PAXBP1: variants seen among roughly 807,000 people sequenced by gnomAD.
The protein encoded by PAXBP1 is PAX3- and PAX7-binding protein 1.
PAXBP1 carries 44 observed loss-of-function variants against 119.9 expected under a neutral mutation model. The ratio of observed to expected loss-of-function variants is 0.37; its 90% CI spans 0.29 to 0.47. The LOEUF (loss-of-function observed/expected upper bound fraction) is 0.47. Among genes scored for constraint, PAXBP1 ranks in the 20% least tolerant of loss-of-function variants. The pLI, the probability that PAXBP1 is intolerant of heterozygous loss-of-function variation, is 0.99. For missense variants in PAXBP1, 898 were observed against 1,134.1 expected (o/e 0.79, Z 2.99); for synonymous variants, 393 against 406.6 (o/e 0.97, Z 0.40).
intron 2 of PAXBP1, among the ~76,000 whole-genome samples, chr21:32,768,581 C>T (rs1485954170): frequency 6.6e-6 from 1 of 152,224 alleles, no homozygotes; most frequent in South Asian, 2.1e-4. Flanking sequence ...TCTTGCTCAA[C>T]TGTGAGACCT....
chr21:32,764,200 A>G, intron 3 of PAXBP1, 148 bp downstream of exon 3: 1 of 732,432 alleles, frequency 1.4e-6, no homozygotes, highest in East Asian at 3.0e-5. Context: ...CCTATTTTTT[A>G]TATTTGCAAA....
chr21:32,759,384 T>C, intron 6 of PAXBP1, 115 bp from the exon 7 acceptor site: 1 of 1,040,724 alleles, frequency 9.6e-7, no homozygotes, highest in Non-Finnish European at 1.4e-6. Flanking sequence ...TAAAAATATT[T>C]GGAATGGCAT....
intron 16 of PAXBP1, 40 bp from the exon 17 acceptor site, chr21:32,737,448 GAATA>G (rs1489497163): frequency 6.5e-7 from 1 of 1,538,288 alleles, no homozygotes; most frequent in African/African-American, 1.4e-5. Context: ...AGTTAAGACA[GAATA>G]AATTAAAGTA....
At chr21:32,752,455 G>T (rs930141320) in intron 8 of PAXBP1, among the ~76,000 whole-genome samples, 1 of 152,150 alleles carries the variant, frequency 6.6e-6, no homozygotes, top group Admixed American at 6.5e-5. Flanking sequence ...CTGGGTGAGA[G>T]GGGAGGGAGG....
At chr21:32,738,057 G>T in intron 16 of PAXBP1, 116 bp downstream of exon 16, 2 of 1,068,212 alleles carry the variant, frequency 1.9e-6, no homozygotes, top group Non-Finnish European at 2.6e-6. Context: ...AACCTTACAT[G>T]CAAGTCCAGT....
intron 8 of PAXBP1, among the ~76,000 whole-genome samples, chr21:32,754,642 T>C (rs1053986565): frequency 3.3e-5 from 5 of 152,218 alleles, no homozygotes; most frequent in Admixed American, 6.5e-5. Flanking sequence ...TTTCAAGAAT[T>C]GTAAGCACCA....
chr21:32,760,898 C>CGTGTGT (rs759882630), intron 5 of PAXBP1, among the ~76,000 whole-genome samples, 161 bp downstream of exon 5: 150 of 121,596 alleles, frequency 1.2e-3, no homozygotes, highest in African/African-American at 3.4e-3. Context: ...TGTGTGCGTG[C>CGTGTGT]GTGCGTGTGT....
intron 2 of PAXBP1, among the ~76,000 whole-genome samples, chr21:32,767,096 A>C (rs1002178941): frequency 6.6e-6 from 1 of 152,162 alleles, no homozygotes; most frequent in Non-Finnish European, 1.5e-5. Flanking sequence ...TCACCGCAAT[A>C]AGCACCACCC....
At chr21:32,753,442 A>C (rs1039117063) in intron 8 of PAXBP1, among the ~76,000 whole-genome samples, 2 of 152,102 alleles carry the variant, frequency 1.3e-5, no homozygotes, top group East Asian at 1.9e-4. Context: ...AAAAAAAAAA[A>C]AAAAACATTA....
chr21:32,759,325 C>T, intron 6 of PAXBP1, 56 bp from the exon 7 acceptor site: 2 of 1,495,362 alleles, frequency 1.3e-6, no homozygotes, highest in East Asian at 4.5e-5. Flanking sequence ...TCTATGGTGT[C>T]AGGACTCTTG....
At position 32,762,260 on chromosome 21, in the gene PAXBP1, C is replaced by T; in HGVS notation, c.707G>A (p.Arg236Gln). The change falls in exon 4 of 18, where the codon CGA becomes CAA. Residue 236 changes from arginine (R) to glutamine (Q), a missense_variant. Physicochemically the swap from Arg to Gln is conservative, Grantham distance 43 (BLOSUM62 1). Transcript: ENST00000331923. ...ATGAGGAGTGAAATCTCCCAATTCT[C>T]GGGCCATTTGGCGCTTTTTCCTTGC... The part of the protein sequence containing the change: ...HAARKKRQMA[R>Q]ELGDFTPHDN... 1.9e-6 allele frequency: 3 copies of T among 1,614,158 alleles called. No homozygotes were observed. Among genetic ancestry groups the T allele is most frequent in the Non-Finnish European group, 2.5e-6 (3 of 1,180,042 alleles).
At chr21:32,744,683 G>A (rs545225004) in intron 13 of PAXBP1, 109 bp downstream of exon 13, 364 of 1,187,632 alleles carry the variant, frequency 3.1e-4, no homozygotes, top group Non-Finnish European at 3.9e-4. Flanking sequence ...GCCCAAGTGG[G>A]AGAACCAGAT....
intron 2 of PAXBP1, among the ~76,000 whole-genome samples, chr21:32,767,652 G>A (rs998675046): frequency 6.6e-6 from 1 of 152,128 alleles, no homozygotes; most frequent in Non-Finnish European, 1.5e-5. Flanking sequence ...GATCTGATGG[G>A]TTTATCAGGG....
chr21:32,760,464 A>C (rs1039383018), intron 5 of PAXBP1, among the ~76,000 whole-genome samples: 7 of 152,212 alleles, frequency 4.6e-5, no homozygotes, highest in Non-Finnish European at 8.8e-5. Context: ...TTCTCACTGT[A>C]TTACTTACTT....
At chr21:32,741,501 T>G (rs765694001) in intron 15 of PAXBP1, 3 of 775,542 alleles carry the variant, frequency 3.9e-6, no homozygotes, top group African/African-American at 3.4e-5. Context: ...AAAGGTATGA[T>G]CTACTGCTCA....
chr21:32,751,068 CAG>C (rs771711508), intron 9 of PAXBP1, 36 bp from the exon 10 acceptor site: 9 of 1,612,416 alleles, frequency 5.6e-6, no homozygotes, highest in Non-Finnish European at 5.9e-6. Flanking sequence ...AACTAGATAA[CAG>C]AGACTCCTCC....
chr21:32,756,703 C>G lies in PAXBP1; in HGVS notation c.1384-1350G>C, dbSNP rs74533915. 127 of 217,656 alleles carry G rather than the reference C, an allele frequency of 5.8e-4. 1 individual carries two copies. The East Asian group carries it at 0.02, about 34-fold the overall frequency. The allele number at this position is 217,656 out of a possible 1,614,324, so 13.5% of individuals were successfully genotyped here. ...CCATGAAGTACTAAAGATAAATGAG[C>G]CTGAGGCATTCTTTTATCTTTTAAT... On this transcript the variant is annotated intron_variant, in intron 7 of 17. Coordinates refer to ENST00000331923, the MANE Select transcript of PAXBP1 (RefSeq NM_016631.4).
chr21:32,743,844 C>G (rs1486640408), intron 13 of PAXBP1, 90 bp from the exon 14 acceptor site: 5 of 707,244 alleles, frequency 7.1e-6, no homozygotes, highest in Non-Finnish European at 1.2e-5. Context: ...GAATATTGAA[C>G]TGAGTGAACT....
chr21:32,738,346 T>G, intron 15 of PAXBP1, 27 bp from the exon 16 acceptor site: 2 of 1,551,556 alleles, frequency 1.3e-6, no homozygotes, highest in Non-Finnish European at 8.7e-7. Context: ...AAATAGGTAA[T>G]GTGAAACAAT....
Sources: gnomAD v4.1 joint callset for allele counts (sites outside exome capture counted in the v4.1 genomes callset) on GRCh38, gnomAD v4.1.1 for gene constraint, MANE v1.5 for transcripts, NCBI Gene and HGNC (gene_info 2026-07-23, HGNC 2026-07-21) for gene names.